The following RARB variants were observed in gnomAD, a reference collection of about 807,000 sequenced individuals.
RARB encodes the protein retinoic acid receptor beta, also known as HBV-activated protein.
In RARB, 17 loss-of-function variants were observed where a neutral mutation model predicts 51.9. That is an observed-to-expected ratio of 0.33 (90% CI 0.22 to 0.49). RARB has a LOEUF of 0.49. RARB is among the 20% of genes least tolerant of loss of function. The pLI, the probability that RARB is intolerant of heterozygous loss-of-function variation, is 0.99. For synonymous variants in RARB, 215 were observed against 195.4 expected, an observed-to-expected ratio of 1.10 and a Z score of -0.84; for missense variants, 369 against 550.8, an observed-to-expected ratio of 0.67 and a Z score of 3.30.
chr3:25,575,662 A>G (rs1472731054), intron 4 of RARB, among the ~76,000 whole-genome samples: 1 of 151,922 alleles, frequency 6.6e-6, no homozygotes, highest in African/African-American at 2.4e-5. Context: ...ATGCATGTCA[A>G]CCTCTGTCCA....
At chr3:25,163,388 C>G (rs1042341935) in intron 4 of RARB, among the ~76,000 whole-genome samples, 4 of 151,510 alleles carry the variant, frequency 2.6e-5, no homozygotes, top group African/African-American at 9.7e-5. Flanking sequence ...TCCTGTAGTT[C>G]CAGCTACTCA....
intron 5 of RARB, among the ~76,000 whole-genome samples, chr3:25,240,193 A>G (rs1702398307): frequency 6.6e-6 from 1 of 151,794 alleles, no homozygotes; most frequent in Non-Finnish European, 1.5e-5. Context: ...TGTATCCTGC[A>G]ACTTTGCTGA....
chr3:25,056,695 C>T (rs1306262465), intron 2 of RARB, among the ~76,000 whole-genome samples: 1 of 152,104 alleles, frequency 6.6e-6, no homozygotes, highest in Non-Finnish European at 1.5e-5. Context: ...ATATGATATA[C>T]ATACCTGTAT....
chr3:25,173,870 A>G (rs1700691672), intron 4 of RARB, among the ~76,000 whole-genome samples: 1 of 152,204 alleles, frequency 6.6e-6, no homozygotes, highest in Non-Finnish European at 1.5e-5. Flanking sequence ...AGAGTGATAT[A>G]GTCAAATAAC....
rs75204542 is a variant in RARB, at chr3:24,984,609, G to C, written c.-379-75516G>C. 3.2e-4 allele frequency among the ~76,000 whole-genome samples: 49 copies of C among 152,302 alleles called. 1 individual carries two copies. In the East Asian group the frequency reaches 9.3e-3, roughly 29 times the overall value. ...TAGTAGCAGAGAGGTGGCGAAAACAGAGAAATATTCATCAAAGGGTATGAA... is the reference window on the plus strand; with the variant it reads ...TAGTAGCAGAGAGGTGGCGAAAACACAGAAATATTCATCAAAGGGTATGAA... On this transcript the variant is annotated intron_variant, in intron 2 of 11. Transcript: ENST00000383772.
At chr3:25,494,610 T>C (rs1222454899) in intron 2 of RARB, among the ~76,000 whole-genome samples, 1 of 152,210 alleles carries the variant, frequency 6.6e-6, no homozygotes, top group East Asian at 1.9e-4. Flanking sequence ...ACTTACTGTT[T>C]CTTCTGTACT....
intron 4 of RARB, among the ~76,000 whole-genome samples, chr3:25,143,892 CA>C (rs1240501466): frequency 6.6e-6 from 1 of 152,180 alleles, no homozygotes. Context: ...CAACAAAAGA[CA>C]GCACAGTGCC....
At chr3:25,117,720 G>C (rs1020249865) in intron 3 of RARB, among the ~76,000 whole-genome samples, 3 of 152,166 alleles carry the variant, frequency 2.0e-5, no homozygotes, top group Non-Finnish European at 4.4e-5. Flanking sequence ...GCTCAAGGAA[G>C]AAGGAAGAGC....
intron 2 of RARB, among the ~76,000 whole-genome samples, chr3:24,866,304 C>T (rs1702847772): frequency 6.6e-6 from 1 of 152,110 alleles, no homozygotes; most frequent in Non-Finnish European, 1.5e-5. Context: ...TTGTCCAGTC[C>T]TCAAGCCCAC....
At chr3:24,853,998 T>C (rs947769416) in intron 1 of RARB, among the ~76,000 whole-genome samples, 1 of 152,224 alleles carries the variant, frequency 6.6e-6, no homozygotes, top group South Asian at 2.1e-4. Flanking sequence ...ATTGAAGAAC[T>C]AAGTGTGTGT....
intron 2 of RARB, among the ~76,000 whole-genome samples, chr3:24,886,626 G>C (rs1272123008): frequency 2.6e-5 from 4 of 151,860 alleles, no homozygotes; most frequent in Non-Finnish European, 4.4e-5. Context: ...AATTTTTGTA[G>C]AGACAAGGTC....
At chr3:25,472,535 G>A (rs1331655245) in intron 2 of RARB, among the ~76,000 whole-genome samples, 1 of 152,170 alleles carries the variant, frequency 6.6e-6, no homozygotes, top group Admixed American at 6.5e-5. Context: ...CATATTTAGA[G>A]AAGTAGGTGG....
intron 3 of RARB, among the ~76,000 whole-genome samples, chr3:25,095,805 T>G (rs187714272): frequency 2.9e-4 from 44 of 152,316 alleles, no homozygotes; most frequent in Non-Finnish European, 5.7e-4. Context: ...TCATCTGATT[T>G]CACTTTAGTC....
At chr3:25,565,801 A>G (rs1700468994) in intron 3 of RARB, among the ~76,000 whole-genome samples, 1 of 152,032 alleles carries the variant, frequency 6.6e-6, no homozygotes, top group South Asian at 2.1e-4. Flanking sequence ...ATAGGCCTTT[A>G]CAGTAGTCTA....
chr3:25,206,212 C>T (rs1701541819), intron 5 of RARB, among the ~76,000 whole-genome samples: 1 of 152,142 alleles, frequency 6.6e-6, no homozygotes, highest in African/African-American at 2.4e-5. Flanking sequence ...AAGTGAATCC[C>T]CTCCTTGGTT....
intron 4 of RARB, among the ~76,000 whole-genome samples, chr3:25,575,891 G>A (rs1015116349): frequency 6.6e-6 from 1 of 152,138 alleles, no homozygotes; most frequent in Non-Finnish European, 1.5e-5. Flanking sequence ...GGAGTGCATG[G>A]ATGTTACCTT....
intron 2 of RARB, among the ~76,000 whole-genome samples, chr3:25,480,088 G>T (rs1403171114): frequency 1.3e-5 from 2 of 152,190 alleles, no homozygotes; most frequent in Non-Finnish European, 2.9e-5. Context: ...TTACTGGTAT[G>T]CAGCCCCTTA....
chr3:25,317,276 T>A (rs1190170467), intron 5 of RARB, among the ~76,000 whole-genome samples: 2 of 151,790 alleles, frequency 1.3e-5, no homozygotes, highest in Non-Finnish European at 2.9e-5. Flanking sequence ...GGTGGTTGGA[T>A]GAAAGGGAGG....
chr3:25,081,610 TATATATATATA>T (rs1415774079), intron 3 of RARB, among the ~76,000 whole-genome samples: 98 of 14,072 alleles, frequency 7.0e-3, no homozygotes, highest in Non-Finnish European at 8.7e-3. Context: ...TATATATATA[TATATATATATA>T]TTTTTTTTTT....
Sources: gnomAD v4.1 joint callset for allele counts (sites outside exome capture counted in the v4.1 genomes callset) on GRCh38, gnomAD v4.1.1 for gene constraint, MANE v1.5 for transcripts, NCBI Gene and HGNC (gene_info 2026-07-23, HGNC 2026-07-21) for gene names.